Variants in GABRA5 observed in about 807,000 individuals in gnomAD.
The protein encoded by GABRA5 is gamma-aminobutyric acid type A receptor subunit alpha5.
In GABRA5, 18 loss-of-function variants were observed where a neutral mutation model predicts 47.3. The ratio of observed to expected loss-of-function variants is 0.38; its 90% CI spans 0.26 to 0.56. GABRA5 has a LOEUF of 0.56. Among genes scored for constraint, GABRA5 ranks in the 20% least tolerant of loss-of-function variants. GABRA5 has a pLI of 0.71. For missense variants in GABRA5, 365 were observed against 599.3 expected, an observed-to-expected ratio of 0.61 and a Z score of 4.08; for synonymous variants, 237 against 229.3, an observed-to-expected ratio of 1.03 and a Z score of -0.30.
chr15:26,938,690 G>C (rs1168518153), intron 8 of GABRA5, among the ~76,000 whole-genome samples: 1 of 152,162 alleles, frequency 6.6e-6, no homozygotes, highest in Non-Finnish European at 1.5e-5. Flanking sequence ...CCATTTCTCG[G>C]CTCTGCTCCC....
At position 26,883,142 on chromosome 15, in the gene GABRA5, C is replaced by G. The variant is rs1299537017; in HGVS notation, c.209-24C>G. 4 of 1,608,674 alleles carry G rather than the reference C, an allele frequency of 2.5e-6. No homozygotes were observed. The Admixed American group carries it at 5.0e-5, about 20-fold the overall frequency. On this transcript the variant is annotated intron_variant, in intron 4 of 10. Coordinates refer to ENST00000335625, the MANE Select transcript of GABRA5 (RefSeq NM_000810.4). The surrounding 1 kb of genome is among the most constrained non-coding windows in gnomAD (Gnocchi z 4.8). The stretch of plus-strand genomic sequence containing the variant: ...ACGCGCAGGGTGGGTCGGTGCAGCC[C>G]AGGGACCTGTGTCTGTCTTTCAGAG...
chr15:26,883,675 C>G lies in GABRA5; in HGVS notation c.497+118C>G. The stretch of plus-strand genomic sequence containing the variant: ...TCTGACCATAGGTCTGAGACTGCGG[C>G]GCGTGTGTGCTGGGGGTTCCCCGTT... On this transcript the variant is annotated intron_variant, in intron 6 of 10. Transcript: ENST00000335625. This position sits in a 1 kb window ranked among gnomAD's most constrained non-coding sequence, Gnocchi z 4.8. The G allele has an allele frequency of 1.3e-6, 1 of 790,902 alleles. No individual in the cohort carries two copies. The highest frequency in any genetic ancestry group is 1.9e-5 in the South Asian group (1 of 53,252). 49.0% of individuals were successfully genotyped at this position (790,902 alleles called of 1,614,324 possible).
Position 26,948,059 on chromosome 15 carries a change from A to C in GABRA5, c.1215A>C (p.Val405=). Reference sequence around the variant, plus strand: ...CGTCGAATACAACCTCAGTCTCAGTAAAACCCTCTGAAGAGAAGACTTCTG... The same window carrying C: ...CGTCGAATACAACCTCAGTCTCAGTCAAACCCTCTGAAGAGAAGACTTCTG... ...AGTSNTTSVS[V]KPSEEKTSES... Residue 405 remains valine, a synonymous_variant, in exon 11 of 11, where the codon GTA becomes GTC. Transcript: ENST00000335625. 2 of 1,609,406 alleles carry C rather than the reference A, an allele frequency of 1.2e-6. No homozygotes were observed. The highest frequency in any genetic ancestry group is 1.7e-6 in the Non-Finnish European group (2 of 1,177,672).
intron 7 of GABRA5, among the ~76,000 whole-genome samples, chr15:26,926,540 C>A (rs1893966352): frequency 1.3e-5 from 2 of 152,110 alleles, no homozygotes; most frequent in Admixed American, 6.5e-5. Flanking sequence ...AAATCATTTG[C>A]TTCCATGGGG....
At chr15:26,904,477 A>T (rs1416800963) in intron 6 of GABRA5, among the ~76,000 whole-genome samples, 1 of 151,988 alleles carries the variant, frequency 6.6e-6, no homozygotes, top group African/African-American at 2.4e-5. Context: ...AATTTTAAAA[A>T]TAGTTTTTCT....
intron 7 of GABRA5, among the ~76,000 whole-genome samples, chr15:26,925,563 C>G (rs1231438044): frequency 6.6e-6 from 1 of 152,104 alleles, no homozygotes; most frequent in African/African-American, 2.4e-5. Context: ...TACATATTCT[C>G]TTTTGTATTC....
chr15:26,920,403 G>C (rs1893816096), intron 7 of GABRA5, among the ~76,000 whole-genome samples: 1 of 151,152 alleles, frequency 6.6e-6, no homozygotes, highest in Non-Finnish European at 1.5e-5. Context: ...ATCCCTCTGA[G>C]GAATTTTTCA....
At chr15:26,930,895 C>CTTTTTTTTTTT (rs555799476) in intron 7 of GABRA5, among the ~76,000 whole-genome samples, 5 of 115,036 alleles carry the variant, frequency 4.3e-5, no homozygotes, top group South Asian at 2.8e-4. Context: ...TCTTTCTTTT[C>CTTTTTTTTTTT]TTTTTTTTTT....
intron 6 of GABRA5, among the ~76,000 whole-genome samples, chr15:26,896,450 G>A (rs1013841151): frequency 2.0e-5 from 3 of 152,066 alleles, no homozygotes; most frequent in Non-Finnish European, 4.4e-5. Flanking sequence ...AAAATTAATT[G>A]GATATTACTA....
At chr15:26,911,561 G>C (rs1230446821) in intron 6 of GABRA5, among the ~76,000 whole-genome samples, 1 of 152,180 alleles carries the variant, frequency 6.6e-6, no homozygotes, top group East Asian at 1.9e-4. Context: ...GAGCGGCTCT[G>C]GTCCCTTTTA....
chr15:26,903,988 T>A (rs1485427464), intron 6 of GABRA5, among the ~76,000 whole-genome samples: 1 of 152,166 alleles, frequency 6.6e-6, no homozygotes, highest in Non-Finnish European at 1.5e-5. Context: ...ATTTGTTCAT[T>A]TTTGCTTTTT....
chr15:26,930,964 T>C (rs1194623439), intron 7 of GABRA5, among the ~76,000 whole-genome samples: 1 of 149,734 alleles, frequency 6.7e-6, no homozygotes, highest in East Asian at 1.9e-4. Context: ...AGCACATTCT[T>C]GGCTCACTGC....
At position 26,914,794 on chromosome 15, in the gene GABRA5, A is replaced by G. The variant is rs1181526502; in HGVS notation, c.498-9A>G. 5 of 1,610,792 alleles carry G rather than the reference A, an allele frequency of 3.1e-6. No individual in the cohort carries two copies. The highest frequency in any genetic ancestry group is 4.2e-6 in the Non-Finnish European group (5 of 1,177,082). On this transcript the variant is annotated splice_polypyrimidine_tract_variant and intron_variant, in intron 6 of 10. Coordinates refer to ENST00000335625, the MANE Select transcript of GABRA5 (RefSeq NM_000810.4). ...AGTCGTTCAAAGGTCTTCATCTTTT[A>G]TTTTTCAGCTTGACCATCTCTGCAG...
At chr15:26,939,399 T>A (rs747100608) in intron 8 of GABRA5, 25 of 765,108 alleles carry the variant, frequency 3.3e-5, no homozygotes, top group Non-Finnish European at 5.3e-5. Context: ...GCAGAAGGGT[T>A]GAGCTGCCAG....
chr15:26,894,142 G>A (rs1893115727), intron 6 of GABRA5, among the ~76,000 whole-genome samples: 1 of 152,116 alleles, frequency 6.6e-6, no homozygotes, highest in Admixed American at 6.5e-5. Context: ...CCCAGACGGC[G>A]CCGGACCTGG....
chr15:26,920,137 C>G (rs2140299063), intron 7 of GABRA5, among the ~76,000 whole-genome samples: 1 of 151,968 alleles, frequency 6.6e-6, no homozygotes, highest in East Asian at 1.9e-4. Context: ...CATTTCCTTT[C>G]CCAGGTTTGG....
At chr15:26,931,713 G>A (rs1202671590) in intron 7 of GABRA5, among the ~76,000 whole-genome samples, 2 of 152,192 alleles carry the variant, frequency 1.3e-5, no homozygotes, top group Non-Finnish European at 2.9e-5. Context: ...TATTTATTAT[G>A]AGGACCATGC....
At chr15:26,893,535 G>A (rs1385006362) in intron 6 of GABRA5, among the ~76,000 whole-genome samples, 3 of 151,030 alleles carry the variant, frequency 2.0e-5, no homozygotes, top group African/African-American at 7.3e-5. Flanking sequence ...GATGGGAGCA[G>A]CGGTGGGGAG....
At chr15:26,932,155 A>G (rs545290647) in intron 7 of GABRA5, among the ~76,000 whole-genome samples, 23 of 152,346 alleles carry the variant, frequency 1.5e-4, no homozygotes, top group Middle Eastern at 3.4e-3. Flanking sequence ...TGCACAGCAA[A>G]AGACACTATC....
Sources: allele counts gnomAD v4.1 joint callset (sites outside exome capture counted in the v4.1 genomes callset), GRCh38; gene constraint gnomAD v4.1.1; non-coding constraint Gnocchi (gnomAD v3.1); transcripts MANE v1.5; gene names NCBI Gene and HGNC (gene_info 2026-07-23, HGNC 2026-07-21).